The following TMEM266 variants were observed in gnomAD, a reference collection of about 807,000 sequenced individuals.
TMEM266 encodes the protein Hv1 related protein 1.
In TMEM266, 33 loss-of-function variants were observed where a neutral mutation model predicts 50.5. The ratio of observed to expected loss-of-function variants is 0.65; its 90% CI spans 0.50 to 0.87. TMEM266 has a LOEUF of 0.87. Ranked by LOEUF, TMEM266 falls within the 40% of genes least tolerant of loss-of-function variation. TMEM266 has a pLI of 0.00. For synonymous variants in TMEM266, 310 were observed against 292.3 expected, an observed-to-expected ratio of 1.06 and a Z score of -0.62; for missense variants, 655 against 695.1, an observed-to-expected ratio of 0.94 and a Z score of 0.65.
rs1029057808 is a variant in TMEM266 at position 76,175,803 on chromosome 15, C to G, written c.768+129C>G. 5.8e-5 allele frequency: 39 copies of G among 675,838 alleles called. No individual in the cohort carries two copies. In the South Asian group the frequency reaches 7.2e-4, roughly 13 times the overall value. The allele number at this position is 675,838 out of a possible 1,614,324, so 41.9% of individuals were successfully genotyped here. On this transcript the variant is annotated intron_variant, in intron 8 of 10. Transcript: ENST00000388942. The stretch of plus-strand genomic sequence containing the variant: ...AGTTCCTCCAGCCCCTTGTTGGACT[C>G]ATGGGGAACCTGAAGCCCAGAGAAG...
chr15:76,175,412 TC>T, intron 7 of TMEM266, 146 bp from the exon 8 acceptor site: 1 of 625,190 alleles, frequency 1.6e-6, no homozygotes, highest in Non-Finnish European at 2.8e-6. Context: ...TTCTGGATGC[TC>T]TCGGGTACCT....
intron 1 of TMEM266, among the ~76,000 whole-genome samples, chr15:76,085,281 G>T (rs1205690723): frequency 2.1e-5 from 3 of 139,654 alleles, no homozygotes; most frequent in African/African-American, 8.1e-5. Flanking sequence ...TTTTTGAGAC[G>T]GAGTCTTGCT....
At chr15:76,201,097 C>T (rs1207353346) in intron 9 of TMEM266, among the ~76,000 whole-genome samples, 1 of 152,050 alleles carries the variant, frequency 6.6e-6, no homozygotes, top group Non-Finnish European at 1.5e-5. Flanking sequence ...CAGACTTCCA[C>T]GGGGGAGGGA....
At chr15:76,176,592 C>G (rs1465222783) in intron 8 of TMEM266, 2 of 152,304 alleles carry the variant, frequency 1.3e-5, no homozygotes, top group African/African-American at 2.4e-5. Flanking sequence ...GACAGGGCCA[C>G]TGCCCCCAGC....
chr15:76,086,076 G>A (rs1754963952), intron 1 of TMEM266, among the ~76,000 whole-genome samples: 1 of 151,158 alleles, frequency 6.6e-6, no homozygotes, highest in Admixed American at 6.6e-5. Context: ...AGAAAAAAAT[G>A]TCCATAACAA....
chr15:76,080,948 A>C (rs1330149226), intron 1 of TMEM266, among the ~76,000 whole-genome samples: 1 of 10,490 alleles, frequency 9.5e-5, no homozygotes, highest in Non-Finnish European at 4.5e-4. Context: ...ATGAGGTCTC[A>C]TTATGTTGCC....
At chr15:76,154,586 G>A (rs545680382) in intron 3 of TMEM266, among the ~76,000 whole-genome samples, 48 of 152,078 alleles carry the variant, frequency 3.2e-4, no homozygotes, top group Admixed American at 2.6e-3. Context: ...TGGACCATGC[G>A]GGGTTCACAT....
intron 5 of TMEM266, among the ~76,000 whole-genome samples, chr15:76,162,045 C>T (rs1306662340): frequency 1.3e-5 from 2 of 152,220 alleles, no homozygotes; most frequent in African/African-American, 2.4e-5. Flanking sequence ...CCACCTGAAA[C>T]AGACAAACCC....
chr15:76,090,746 A>G (rs1316894531), intron 1 of TMEM266, among the ~76,000 whole-genome samples: 1 of 152,128 alleles, frequency 6.6e-6, no homozygotes, highest in African/African-American at 2.4e-5. Flanking sequence ...AATTGTGACT[A>G]TTAGAAGCTG....
chr15:76,190,186 G>A (rs1596165995), intron 8 of TMEM266, among the ~76,000 whole-genome samples: 2 of 152,238 alleles, frequency 1.3e-5, no homozygotes, highest in East Asian at 3.8e-4. Context: ...GGTCAGGGAA[G>A]GCCCCTCTGA....
At chr15:76,062,384 T>A (rs2036321515) in intron 1 of TMEM266, among the ~76,000 whole-genome samples, 1 of 152,260 alleles carries the variant, frequency 6.6e-6, no homozygotes, top group Non-Finnish European at 1.5e-5. Flanking sequence ...ATTACACTGT[T>A]CTTTTGAAAC....
At chr15:76,141,601 A>T (rs1047080660) in intron 3 of TMEM266, among the ~76,000 whole-genome samples, 3 of 152,210 alleles carry the variant, frequency 2.0e-5, no homozygotes, top group Non-Finnish European at 4.4e-5. Context: ...AACAAAATGT[A>T]CCATCTTAAC....
intron 1 of TMEM266, among the ~76,000 whole-genome samples, chr15:76,102,122 A>G (rs1010726821): frequency 3.9e-5 from 6 of 152,184 alleles, no homozygotes; most frequent in Admixed American, 6.5e-5. Flanking sequence ...TAGTGTCTTC[A>G]TGACACTAGG....
intron 1 of TMEM266, among the ~76,000 whole-genome samples, chr15:76,110,166 A>AT (rs201516300): frequency 8.4e-4 from 123 of 147,030 alleles, no homozygotes; most frequent in Non-Finnish European, 9.8e-4. Flanking sequence ...CACCTGGCTA[A>AT]TTTTTTTTTT....
intron 9 of TMEM266, among the ~76,000 whole-genome samples, chr15:76,197,260 G>A (rs2038670076): frequency 6.6e-6 from 1 of 152,228 alleles, no homozygotes; most frequent in Admixed American, 6.5e-5. Context: ...CAGGGCTGTA[G>A]GACTAGATCT....
intron 1 of TMEM266, among the ~76,000 whole-genome samples, chr15:76,066,871 C>T (rs1213721809): frequency 1.3e-5 from 2 of 152,152 alleles, no homozygotes; most frequent in Admixed American, 1.3e-4. Flanking sequence ...ACACTGTTGA[C>T]ACATGGGGCC....
At chr15:76,067,077 T>C (rs564955810) in intron 1 of TMEM266, among the ~76,000 whole-genome samples, 139 of 152,216 alleles carry the variant, frequency 9.1e-4, no homozygotes, top group African/African-American at 3.2e-3. Context: ...CCGTTCTCCA[T>C]AGGATCAATA....
At chr15:76,155,003 C>T (rs948315986) in intron 3 of TMEM266, among the ~76,000 whole-genome samples, 2 of 152,234 alleles carry the variant, frequency 1.3e-5, no homozygotes, top group African/African-American at 4.8e-5. Context: ...TCATCATCGT[C>T]GTCATCATCA....
At chr15:76,164,845 G>A (rs2038069223) in intron 5 of TMEM266, among the ~76,000 whole-genome samples, 1 of 152,170 alleles carries the variant, frequency 6.6e-6, no homozygotes, top group Non-Finnish European at 1.5e-5. Flanking sequence ...CTCCCTGGCT[G>A]GCGGGCCCCA....
Sources: gnomAD v4.1 joint callset for allele counts (sites outside exome capture counted in the v4.1 genomes callset) on GRCh38, gnomAD v4.1.1 for gene constraint, MANE v1.5 for transcripts, NCBI Gene and HGNC (gene_info 2026-07-23, HGNC 2026-07-21) for gene names.